The following GCA variants were observed in gnomAD, a reference collection of about 807,000 sequenced individuals.
The protein encoded by GCA is grancalcin, also known as grancalcin, EF-hand calcium-binding protein.
In GCA, 30 loss-of-function variants were observed where a neutral mutation model predicts 32.6. That is an observed-to-expected ratio of 0.92 (90% CI 0.69 to 1.25). The LOEUF (loss-of-function observed/expected upper bound fraction) is 1.25. Ranked by LOEUF, GCA falls within the 50% of genes most tolerant of loss-of-function variation. The pLI is 0.00. For missense variants in GCA, 291 were observed against 266.8 expected, an observed-to-expected ratio of 1.09 and a Z score of -0.63; for synonymous variants, 102 against 84.6, an observed-to-expected ratio of 1.21 and a Z score of -1.13.
At chr2:162,372,924 T>TA (rs1686012183), downstream of GCA, among the ~76,000 whole-genome samples, 1 of 152,102 alleles carries the variant, frequency 6.6e-6, no homozygotes, top group Non-Finnish European at 1.5e-5. Context: ...ATCATCCAAG[T>TA]AAAAAAATTT....
chr2:162,337,333 G>T (rs1490173815), intron 1 of GCA, among the ~76,000 whole-genome samples: 1 of 152,184 alleles, frequency 6.6e-6, no homozygotes, highest in Non-Finnish European at 1.5e-5. Flanking sequence ...TTCTATCCAT[G>T]TTTTGATAAC....
At position 162,360,300 on chromosome 2, in the gene GCA, G is replaced by T; in HGVS notation, c.*57G>T. 1 of 1,561,714 alleles carries T rather than the reference G, an allele frequency of 6.4e-7. No homozygotes were observed. The highest frequency in any genetic ancestry group is 1.2e-5 in the South Asian group (1 of 83,726). ...GTGAATTCTTTTGTTTGGAAGAAGT[G>T]AACTGGACTACTTTAAAACTTTTAA... is the stretch of plus-strand genomic sequence containing the variant. On this transcript the variant is annotated 3_prime_UTR_variant, in exon 8 of 8. Coordinates refer to ENST00000437150, the MANE Select transcript of GCA (RefSeq NM_012198.5).
At chr2:162,371,740 C>G (rs1685954395), downstream of GCA, 2 of 1,258,668 alleles carry the variant, frequency 1.6e-6, no homozygotes, top group African/African-American at 1.5e-5. Context: ...TTGTGAGCCC[C>G]TGAGTCAAGT....
At chr2:162,351,934 C>T (rs1348925548) in intron 2 of GCA, among the ~76,000 whole-genome samples, 1 of 152,066 alleles carries the variant, frequency 6.6e-6, no homozygotes, top group Non-Finnish European at 1.5e-5. Context: ...TTTCCCCTTC[C>T]AGTTAAAGCT....
chr2:162,368,313 A>T (rs1219086827), intron 4 of GCA, among the ~76,000 whole-genome samples: 1 of 152,006 alleles, frequency 6.6e-6, no homozygotes, highest in East Asian at 1.9e-4. Context: ...TTTGATTTTC[A>T]TAGATAAGTA....
chr2:162,367,581 ATTAC>A (rs1362059993), downstream of GCA, among the ~76,000 whole-genome samples: 4 of 152,142 alleles, frequency 2.6e-5, no homozygotes, highest in South Asian at 6.2e-4. Context: ...TGTAAATAGT[ATTAC>A]TTTAAAGCTA....
chr2:162,337,871 C>A (rs1324541140), intron 1 of GCA, among the ~76,000 whole-genome samples: 4 of 152,178 alleles, frequency 2.6e-5, no homozygotes, highest in Non-Finnish European at 4.4e-5. Flanking sequence ...ACTACACAAG[C>A]ACTGGTGATT....
At chr2:162,356,549 G>A in intron 4 of GCA, 68 bp downstream of exon 4, 1 of 1,042,234 alleles carries the variant, frequency 9.6e-7, no homozygotes, top group South Asian at 1.3e-5. Context: ...CAAGCCAGTG[G>A]TTAGATTTCA....
intron 1 of GCA, among the ~76,000 whole-genome samples, chr2:162,321,917 TATATATATATATATATAC>T (rs1236500892): frequency 0.015 from 1,752 of 117,616 alleles, 105 homozygotes; most frequent in African/African-American, 0.064. Context: ...TATATATATA[TATATATATATATATATAC>T]ACACATACAT....
downstream of GCA, chr2:162,373,344 T>G (rs1364738841): frequency 1.6e-5 from 9 of 563,468 alleles, no homozygotes; most frequent in East Asian, 2.5e-4. Flanking sequence ...AGAAATTCTA[T>G]TTGAGTAGAA....
intron 2 of GCA, among the ~76,000 whole-genome samples, chr2:162,350,381 A>G (rs1212013985): frequency 2.6e-5 from 4 of 152,216 alleles, no homozygotes; most frequent in Non-Finnish European, 5.9e-5. Flanking sequence ...CTAAGTTGCC[A>G]TACAGCCCTG....
intron 3 of GCA, among the ~76,000 whole-genome samples, chr2:162,352,699 G>T (rs1038930441): frequency 4.6e-5 from 7 of 151,956 alleles, no homozygotes; most frequent in Non-Finnish European, 1.0e-4. Context: ...TTGATTTTTG[G>T]ATTTTATGAT....
In GCA at chr2:162,360,912, A is replaced by G. The variant is rs1576303084; in HGVS notation, c.*669A>G. On this transcript the variant is annotated 3_prime_UTR_variant, in exon 8 of 8. Coordinates refer to ENST00000437150, the MANE Select transcript of GCA (RefSeq NM_012198.5). ...TGTCTTCTCTAAGCAAAAAGTTCTT[A>G]ATAAACATAGTATTTCTCTCTGCGT... 8.7e-7 allele frequency: 1 copy of G among 1,152,720 alleles called. No homozygotes were observed. The highest frequency in any genetic ancestry group is 1.6e-5 in the African/African-American group (1 of 62,774). The allele number at this position is 1,152,720 out of a possible 1,614,324, so 71.4% of individuals were successfully genotyped here.
At chr2:162,373,917 A>G (rs1209117546), downstream of GCA, among the ~76,000 whole-genome samples, 1 of 152,210 alleles carries the variant, frequency 6.6e-6, no homozygotes, top group Non-Finnish European at 1.5e-5. Flanking sequence ...AATAGACTAC[A>G]TGTTTACTAA....
At chr2:162,339,705 A>C (rs1684378659), upstream of GCA, among the ~76,000 whole-genome samples, 1 of 152,200 alleles carries the variant, frequency 6.6e-6, no homozygotes, top group Non-Finnish European at 1.5e-5. Context: ...CTCATGCACC[A>C]AGCAAAGGTC....
chr2:162,326,890 C>T (rs1382867091), intron 1 of GCA, among the ~76,000 whole-genome samples: 1 of 152,212 alleles, frequency 6.6e-6, no homozygotes, highest in Non-Finnish European at 1.5e-5. Flanking sequence ...CTCCACTCTC[C>T]ACCCCTTATC....
chr2:162,369,438 C>T (rs1200969679), intron 4 of GCA, among the ~76,000 whole-genome samples: 2 of 152,016 alleles, frequency 1.3e-5, no homozygotes, highest in Non-Finnish European at 2.9e-5. Flanking sequence ...GCAATGATGT[C>T]AAGGAATTAA....
chr2:162,361,047 C>T lies in GCA; in HGVS notation c.*804C>T. 1.0e-6 allele frequency: 1 copy of T among 974,808 alleles called. No individual in the cohort carries two copies. The highest frequency in any genetic ancestry group is 1.2e-6 in the Non-Finnish European group (1 of 806,056). 60.4% of individuals were successfully genotyped at this position (974,808 alleles called of 1,614,324 possible). On this transcript the variant is annotated 3_prime_UTR_variant, in exon 8 of 8. Transcript: ENST00000437150. ...ATGATATGTCAACATTCAAAATTGTCCTAATTAAATTGTTGTTTAAATGTA... is the reference window on the plus strand; with the variant it reads ...ATGATATGTCAACATTCAAAATTGTTCTAATTAAATTGTTGTTTAAATGTA...
At position 162,362,106 on chromosome 2, in the gene GCA, G is replaced by A. The variant is rs1685597429; in HGVS notation, c.*1863G>A. The stretch of plus-strand genomic sequence containing the variant: ...TGACTTTTGGTCATAGAAGGTCTAT[G>A]AAGGAGCTTCCATGGCCAAACATAT... On this transcript the variant is annotated 3_prime_UTR_variant, in exon 8 of 8. Coordinates refer to ENST00000437150, the MANE Select transcript of GCA (RefSeq NM_012198.5). 1 of 984,240 alleles carries A rather than the reference G, an allele frequency of 1.0e-6. No homozygotes were observed. The allele number at this position is 984,240 out of a possible 1,614,324, so 61.0% of individuals were successfully genotyped here. A position where few individuals can be genotyped will look rare whatever the true frequency, so the allele number is the denominator to read the frequency against.
Sources: allele counts gnomAD v4.1 joint callset (sites outside exome capture counted in the v4.1 genomes callset), GRCh38; gene constraint gnomAD v4.1.1; transcripts MANE v1.5; gene names NCBI Gene and HGNC (gene_info 2026-07-23, HGNC 2026-07-21).